Variants in TAF11 observed in about 807,000 individuals in gnomAD.
The protein encoded by TAF11 is TATA-box binding protein associated factor 11.
A neutral mutation model predicts 23.0 loss-of-function variants in TAF11; 10 were observed. That is an observed-to-expected ratio of 0.43 (90% CI 0.27 to 0.74). The LOEUF (loss-of-function observed/expected upper bound fraction) is 0.74, where lower values mean the gene tolerates loss of function less well. Ranked by LOEUF, TAF11 falls within the 30% of genes least tolerant of loss-of-function variation. The pLI, the probability that TAF11 is intolerant of heterozygous loss-of-function variation, is 0.19. For missense variants in TAF11, 196 were observed against 261.7 expected (o/e 0.75, Z 1.73); for synonymous variants, 85 against 95.8 (o/e 0.89, Z 0.66).
chr6:34,885,289 A>C (rs1201645464), intron 1 of TAF11, among the ~76,000 whole-genome samples: 1 of 151,884 alleles, frequency 6.6e-6, no homozygotes, highest in Non-Finnish European at 1.5e-5. Flanking sequence ...GCTGTTAATA[A>C]AAATATGTAA....
chr6:34,878,394 A>C lies in TAF11; in HGVS notation c.*196T>G. ...TTCAAAATGCCCCAAGAGGTCCCAA[A>C]ATTTAGTCAAGGCAAGTATCAATCA... On this transcript the variant is annotated 3_prime_UTR_variant, in exon 5 of 5. Coordinates refer to ENST00000361288, the MANE Select transcript of TAF11 (RefSeq NM_005643.4). 1 of 550,914 alleles carries C rather than the reference A, an allele frequency of 1.8e-6. No individual in the cohort carries two copies. Among genetic ancestry groups the C allele is most frequent in the Middle Eastern group, 4.9e-4 (1 of 2,048 alleles). The allele number at this position is 550,914 out of a possible 1,614,324, so 34.1% of individuals were successfully genotyped here.
In TAF11 at chr6:34,880,941, T is replaced by C. The variant is rs1170674805; in HGVS notation, c.321-565A>G. ...ACTAAGGAAATATTATTTTCATAGATAACATTTTTCATAAATCAGACCACT... is the reference window on the plus strand; with the variant it reads ...ACTAAGGAAATATTATTTTCATAGACAACATTTTTCATAAATCAGACCACT... On this transcript the variant is annotated intron_variant, in intron 2 of 4. Coordinates refer to ENST00000361288, the MANE Select transcript of TAF11 (RefSeq NM_005643.4). This position sits in a 1 kb window ranked among gnomAD's most constrained non-coding sequence, Gnocchi z 4.8. Among the ~76,000 whole-genome samples the C allele has an allele frequency of 6.6e-6, 1 of 152,186 alleles. No individual in the cohort carries two copies. The highest frequency in any genetic ancestry group is 1.5e-5 in the Non-Finnish European group (1 of 68,030).
At chr6:34,882,658 T>A (rs13210492) in intron 2 of TAF11, among the ~76,000 whole-genome samples, 42 of 144,402 alleles carry the variant, frequency 2.9e-4, no homozygotes, top group Non-Finnish European at 5.2e-4. Flanking sequence ...AAATAAAAAA[T>A]AAAAAAAAAA....
chr6:34,881,439 T>C lies in TAF11; in HGVS notation c.321-1063A>G, dbSNP rs1272255751. Among the ~76,000 whole-genome samples, 8 of 152,348 alleles carry C rather than the reference T, an allele frequency of 5.3e-5. No individual in the cohort carries two copies. The East Asian group carries it at 1.3e-3, about 26-fold the overall frequency. On this transcript the variant is annotated intron_variant, in intron 2 of 4. Transcript: ENST00000361288. Reference sequence around the variant, plus strand: ...TTTTTTTCTATTTTTCTGTATTCTCTGAATTATTTGCAATGAGCCCATACT... The same window carrying C: ...TTTTTTTCTATTTTTCTGTATTCTCCGAATTATTTGCAATGAGCCCATACT...
intron 1 of TAF11, among the ~76,000 whole-genome samples, chr6:34,884,849 C>T (rs1242232306): frequency 1.3e-5 from 2 of 152,012 alleles, no homozygotes; most frequent in Non-Finnish European, 2.9e-5. Context: ...TTGTATTTTC[C>T]TTTAAAAAAT....
intron 1 of TAF11, among the ~76,000 whole-genome samples, chr6:34,885,844 G>A (rs1458368072): frequency 5.3e-5 from 8 of 152,142 alleles, no homozygotes; most frequent in Non-Finnish European, 1.2e-4. Context: ...TTAGCTGGCC[G>A]GGTGCGGTGG....
Position 34,880,221 on chromosome 6 carries a change from C to T in TAF11, c.408+68G>A, listed in dbSNP as rs997605999. ...TTGTCTAACACCTCACTTCAAATGC[C>T]AATGGACATGGCTCTTGAGTTCAGT... On this transcript the variant is annotated intron_variant, in intron 3 of 4. Coordinates refer to ENST00000361288, the MANE Select transcript of TAF11 (RefSeq NM_005643.4). This position sits in a 1 kb window ranked among gnomAD's most constrained non-coding sequence, Gnocchi z 4.8. The T allele has an allele frequency of 1.0e-4, 158 of 1,576,740 alleles. No homozygotes were observed. The highest frequency in any genetic ancestry group is 3.3e-4 in the Middle Eastern group (2 of 5,974).
chr6:34,887,737 A>G (rs907977688), intron 1 of TAF11, 50 bp downstream of exon 1: 3 of 1,610,118 alleles, frequency 1.9e-6, no homozygotes, highest in Non-Finnish European at 2.5e-6. Context: ...AGCAGCCAGT[A>G]ACACAATCTC....
rs1386207893 is a variant in TAF11 at position 34,887,799 on chromosome 6, C to A, written c.159G>T (p.Ala53=). The change falls in exon 1 of 5, where the codon GCG becomes GCT. Residue 53 remains alanine, a synonymous_variant. Transcript: ENST00000361288. ...DADVDLKEAA[A]EEGELESQDV... ...CATCTCTTCCTACCTCGCCTTCCTC[C>A]GCTGCAGCTTCTTTCAAGTCCACAT... 6.2e-7 allele frequency: 1 copy of A among 1,614,190 alleles called. No homozygotes were observed. The highest frequency in any genetic ancestry group is 8.5e-7 in the Non-Finnish European group (1 of 1,180,030).
In TAF11 at chr6:34,887,867, T is replaced by C. The variant is rs1459613752; in HGVS notation, c.91A>G (p.Thr31Ala). Residue 31 changes from threonine (T) to alanine (A), a missense_variant, in exon 1 of 5, where the codon ACC becomes GCC. Coordinates refer to ENST00000361288, the MANE Select transcript of TAF11 (RefSeq NM_005643.4). ...TAAVPGDPGATDTDGIPEETD... is the reference protein window; with the variant it reads ...TAAVPGDPGAADTDGIPEETD... ...TCCTCTGGGATTCCATCGGTGTCGG[T>C]AGCCCCCGGGTCCCCGGGCACAGCG... 1 of 1,614,208 alleles carries C rather than the reference T, an allele frequency of 6.2e-7. No individual in the cohort carries two copies. Among genetic ancestry groups the C allele is most frequent in the Non-Finnish European group, 8.5e-7 (1 of 1,180,040 alleles).
intron 1 of TAF11, among the ~76,000 whole-genome samples, chr6:34,885,552 G>A (rs555734566): frequency 6.6e-6 from 1 of 152,160 alleles, no homozygotes; most frequent in South Asian, 2.1e-4. Context: ...GTACATGATC[G>A]ATTTTTAAAA....
intron 2 of TAF11, among the ~76,000 whole-genome samples, chr6:34,882,229 C>G (rs1463962765): frequency 6.7e-6 from 1 of 149,372 alleles, no homozygotes; most frequent in African/African-American, 2.5e-5. Flanking sequence ...TCCCAGCTAC[C>G]TGGGAGGCTG....
chr6:34,882,795 A>G, intron 2 of TAF11, 137 bp downstream of exon 2: 2 of 1,095,004 alleles, frequency 1.8e-6, no homozygotes, highest in Non-Finnish European at 2.5e-6. Flanking sequence ...GTGAGCCACC[A>G]TGCCCAGCCA....
chr6:34,878,649 T>G lies in TAF11; in HGVS notation c.577A>C (p.Arg193=), dbSNP rs756853894. The G allele has an allele frequency of 1.6e-5, 26 of 1,613,968 alleles. No homozygotes were observed. In the South Asian group the frequency reaches 2.9e-4, roughly 18 times the overall value. ...GGGATCTGTCCTTTTGACTTTAACCTTCTAACGGCTTCCCTCATATGTTTG... is the reference window on the plus strand; with the variant it reads ...GGGATCTGTCCTTTTGACTTTAACCGTCTAACGGCTTCCCTCATATGTTTG... The part of the protein sequence containing the change: ...QPKHMREAVR[R]LKSKGQIPNS... Residue 193 remains arginine (R), a synonymous_variant, in exon 5 of 5, where the codon AGG becomes CGG. Coordinates refer to ENST00000361288, the MANE Select transcript of TAF11 (RefSeq NM_005643.4).
intron 1 of TAF11, among the ~76,000 whole-genome samples, chr6:34,886,023 G>C (rs1012755819): frequency 6.6e-6 from 1 of 152,240 alleles, no homozygotes; most frequent in African/African-American, 2.4e-5. Flanking sequence ...AGCTACTGGG[G>C]AGGCTGAGGC....
chr6:34,883,267 T>C (rs931933531), intron 1 of TAF11, 187 bp from the exon 2 acceptor site: 4 of 522,794 alleles, frequency 7.7e-6, no homozygotes, highest in Admixed American at 8.6e-5. Flanking sequence ...ATGGCTCAGC[T>C]ATGGAAAGAA....
chr6:34,884,573 A>T (rs1340549737), intron 1 of TAF11, among the ~76,000 whole-genome samples: 3 of 152,232 alleles, frequency 2.0e-5, no homozygotes, highest in Non-Finnish European at 2.9e-5. Flanking sequence ...CATCCTGCAC[A>T]TGTACCCCTG....
chr6:34,880,123 G>A lies in TAF11; in HGVS notation c.409-60C>T. On this transcript the variant is annotated intron_variant, in intron 3 of 4. Coordinates refer to ENST00000361288, the MANE Select transcript of TAF11 (RefSeq NM_005643.4). The surrounding 1 kb of genome is among the most constrained non-coding windows in gnomAD (Gnocchi z 4.8). Reference sequence around the variant, plus strand: ...AGTCAAAGACTGGCTTTGGAACACAGTACCAAGTAATTCACAGAAAAAGGT... The same window carrying A: ...AGTCAAAGACTGGCTTTGGAACACAATACCAAGTAATTCACAGAAAAAGGT... 1 of 1,565,314 alleles carries A rather than the reference G, an allele frequency of 6.4e-7. No individual in the cohort carries two copies. Among genetic ancestry groups the A allele is most frequent in the Non-Finnish European group, 8.8e-7 (1 of 1,138,642 alleles).
intron 1 of TAF11, among the ~76,000 whole-genome samples, chr6:34,886,172 C>T (rs567569832): frequency 6.6e-6 from 1 of 151,438 alleles, no homozygotes; most frequent in South Asian, 2.1e-4. Flanking sequence ...GAGCGTGGTG[C>T]AGCATGCCTG....
Sources: gnomAD v4.1 joint callset for allele counts (sites outside exome capture counted in the v4.1 genomes callset) on GRCh38, gnomAD v4.1.1 for gene constraint, Gnocchi (gnomAD v3.1) non-coding constraint, MANE v1.5 for transcripts, NCBI Gene and HGNC (gene_info 2026-07-23, HGNC 2026-07-21) for gene names.